The following SLC5A7 variants were observed in gnomAD, a reference collection of about 807,000 sequenced individuals.
SLC5A7 encodes high affinity choline transporter 1.
A neutral mutation model predicts 55.4 loss-of-function variants in SLC5A7; 19 were observed. The ratio of observed to expected loss-of-function variants is 0.34; its 90% CI spans 0.24 to 0.50. The LOEUF (loss-of-function observed/expected upper bound fraction) is 0.50. Among genes scored for constraint, SLC5A7 ranks in the 20% least tolerant of loss-of-function variants. The probability of loss-of-function intolerance (pLI) is 0.98; values close to 1 mark genes in which losing one functional copy is unlikely to be tolerated. For missense variants in SLC5A7, 506 were observed against 705.3 expected (o/e 0.72, Z 3.20); for synonymous variants, 265 against 263.7 (o/e 1.00, Z -0.05).
intron 6 of SLC5A7, among the ~76,000 whole-genome samples, chr2:108,004,491 C>G (rs1678030826): frequency 6.6e-6 from 1 of 152,122 alleles, no homozygotes; most frequent in South Asian, 2.1e-4. Flanking sequence ...TCCCCAGAAC[C>G]CAGAGCCCAG....
At chr2:107,990,907 C>T (rs932389225) in intron 2 of SLC5A7, among the ~76,000 whole-genome samples, 11 of 152,276 alleles carry the variant, frequency 7.2e-5, no homozygotes, top group African/African-American at 2.6e-4. Flanking sequence ...TGGGATGATG[C>T]AATCCAGAAT....
chr2:107,995,464 A>AGTGTGTGTGTGTGT (rs1351455221), intron 4 of SLC5A7, among the ~76,000 whole-genome samples: 1 of 129,032 alleles, frequency 7.8e-6, no homozygotes, highest in Non-Finnish European at 1.7e-5. Context: ...AGAGAGAGAG[A>AGTGTGTGTGTGTGT]GAGAGAGTGT....
intron 7 of SLC5A7, 75 bp downstream of exon 7, chr2:108,006,277 C>T (rs918567832): frequency 2.2e-5 from 34 of 1,517,890 alleles, no homozygotes; most frequent in Non-Finnish European, 3.1e-5. Flanking sequence ...CTGTCCCACT[C>T]CCCTCTTTCC....
At chr2:108,009,105 G>A (rs1482671505) in intron 8 of SLC5A7, among the ~76,000 whole-genome samples, 2 of 151,960 alleles carry the variant, frequency 1.3e-5, no homozygotes, top group African/African-American at 2.4e-5. Context: ...TTTTATACTT[G>A]CACTCCAAAG....
intron 6 of SLC5A7, among the ~76,000 whole-genome samples, chr2:108,003,554 A>G (rs1489684393): frequency 6.6e-6 from 1 of 152,222 alleles, no homozygotes; most frequent in Non-Finnish European, 1.5e-5. Flanking sequence ...TTGATCTTCC[A>G]GTGGTCTCTC....
chr2:107,987,216 A>G lies in SLC5A7; in HGVS notation c.-52+453A>G, dbSNP rs138743795. 8.8e-3 allele frequency among the ~76,000 whole-genome samples: 1,333 copies of G among 152,240 alleles called. 28 individuals are homozygous for G. The highest frequency in any genetic ancestry group is 0.031 in the African/African-American group (1,270 of 41,542). ...TGGAACAGCTGTGGTCACAAAGGTA[A>G]AAAATAAATAAAAATAAAAATAAAA... On this transcript the variant is annotated intron_variant, in intron 1 of 8. Transcript: ENST00000264047.
intron 6 of SLC5A7, among the ~76,000 whole-genome samples, chr2:108,002,802 G>C (rs375793088): frequency 2.0e-5 from 3 of 150,736 alleles, no homozygotes; most frequent in African/African-American, 7.5e-5. Context: ...GCCTCACTTT[G>C]AGGCCAGGAG....
intron 3 of SLC5A7, among the ~76,000 whole-genome samples, chr2:107,992,604 C>T (rs771657377): frequency 2.0e-5 from 3 of 152,146 alleles, no homozygotes; most frequent in Middle Eastern, 3.4e-3. Flanking sequence ...CAGAAGGTAC[C>T]TCATTTTTGG....
At chr2:107,992,264 C>A in intron 3 of SLC5A7, 45 bp downstream of exon 3, 2 of 1,157,100 alleles carry the variant, frequency 1.7e-6, no homozygotes, top group Non-Finnish European at 2.6e-6. Flanking sequence ...GTAAAGTATA[C>A]AGAACAAGAG....
chr2:107,992,903 G>T, intron 3 of SLC5A7, 69 bp from the exon 4 acceptor site: 1 of 1,540,042 alleles, frequency 6.5e-7, no homozygotes, highest in South Asian at 1.2e-5. Flanking sequence ...CTTGATAAAT[G>T]GCAGCATAGT....
chr2:108,008,202 A>C (rs1678192108), intron 7 of SLC5A7, among the ~76,000 whole-genome samples: 1 of 152,180 alleles, frequency 6.6e-6, no homozygotes, highest in Non-Finnish European at 1.5e-5. Context: ...AGGCAATGTA[A>C]CACCATCATT....
At position 108,010,808 on chromosome 2, in the gene SLC5A7, C is replaced by T; in HGVS notation, c.1690C>T (p.Leu564Phe). The change falls in exon 9 of 9, where the codon CTT (leucine) becomes TTT (phenylalanine). Residue 564 changes from leucine to phenylalanine, a missense_variant. By Grantham distance (22) the Leu-to-Phe change is conservative. Coordinates refer to ENST00000264047, the MANE Select transcript of SLC5A7 (RefSeq NM_021815.5). ...SSTFTNKEAF[L>F]DVDSSPEGSG... ...AACTTTCACCAATAAAGAGGCCTTCCTTGATGTTGATTCCAGTCCAGAAGG... is the reference window on the plus strand; with the variant it reads ...AACTTTCACCAATAAAGAGGCCTTCTTTGATGTTGATTCCAGTCCAGAAGG... 3 of 1,611,574 alleles carry T rather than the reference C, an allele frequency of 1.9e-6. No individual in the cohort carries two copies. Among genetic ancestry groups the T allele is most frequent in the Non-Finnish European group, 2.5e-6 (3 of 1,179,350 alleles).
chr2:108,009,468 C>G (rs749426905), intron 8 of SLC5A7, among the ~76,000 whole-genome samples: 3 of 152,040 alleles, frequency 2.0e-5, no homozygotes, highest in East Asian at 1.9e-4. Flanking sequence ...CACCACCCCC[C>G]ACGCCCCCCA....
In SLC5A7 at chr2:108,006,142, T is replaced by G. The variant is rs1157982156; in HGVS notation, c.835T>G (p.Phe279Val). The change falls in exon 7 of 9, where the codon TTC becomes GTC. Residue 279 changes from phenylalanine (F) to valine (V), a missense_variant. By Grantham distance (50) the Phe-to-Val change is conservative. Around this residue, in one of 4 missense-constraint regions of SLC5A7, gnomAD observed 309 missense variants for 478.6 expected, o/e 0.65. Coordinates refer to ENST00000264047, the MANE Select transcript of SLC5A7 (RefSeq NM_021815.5). ...TCAAGTGCTGTCCTTCCTGGCAGCTTTCGGGTGCCTGGTGATGGCCATCCC... is the reference window on the plus strand; with the variant it reads ...TCAAGTGCTGTCCTTCCTGGCAGCTGTCGGGTGCCTGGTGATGGCCATCCC... ...YAQVLSFLAA[F>V]GCLVMAIPAI... 4 of 1,614,110 alleles carry G rather than the reference T, an allele frequency of 2.5e-6. No homozygotes were observed. The East Asian group carries it at 8.9e-5, about 36-fold the overall frequency.
chr2:108,010,364 G>GTTATCTTCCCCCAGCTGC lies in SLC5A7; in HGVS notation c.1249_1266dup (p.Ile417_Leu422dup). 6.2e-7 allele frequency: 1 copy of GTTATCTTCCCCCAGCTGC among 1,613,860 alleles called. No homozygotes were observed. Among genetic ancestry groups the GTTATCTTCCCCCAGCTGC allele is most frequent in the Non-Finnish European group, 8.5e-7 (1 of 1,179,910 alleles). Reference sequence around the variant, plus strand: ...CCTCAGTTCTGACCTTGTTTACATCGTTATCTTCCCCCAGCTGCTTTGTGT... The same window carrying GTTATCTTCCCCCAGCTGC: ...CCTCAGTTCTGACCTTGTTTACATCGTTATCTTCCCCCAGCTGCTTATCTTCCCCCAGCTGCTTTGTGT... On this transcript the variant is annotated inframe_insertion, in exon 9 of 9. Transcript: ENST00000264047.
intron 5 of SLC5A7, among the ~76,000 whole-genome samples, chr2:107,999,711 A>G (rs1478287476): frequency 6.6e-6 from 1 of 152,154 alleles, no homozygotes; most frequent in African/African-American, 2.4e-5. Context: ...CATTGATTTT[A>G]TCATCACCCC....
chr2:107,988,653 A>T (rs1677335322), intron 2 of SLC5A7, among the ~76,000 whole-genome samples: 1 of 152,156 alleles, frequency 6.6e-6, no homozygotes, highest in African/African-American at 2.4e-5. Context: ...GGGAATGGGA[A>T]GCTGTCCTAG....
At chr2:107,987,800 C>T (rs1218364448) in intron 1 of SLC5A7, among the ~76,000 whole-genome samples, 1 of 152,048 alleles carries the variant, frequency 6.6e-6, no homozygotes, top group Admixed American at 6.6e-5. Context: ...AAGATATACA[C>T]GACAAGGTTA....
Position 108,010,214 on chromosome 2 carries a change from T to A in SLC5A7, c.1114-18T>A. On this transcript the variant is annotated intron_variant, in intron 8 of 8. Transcript: ENST00000264047. ...AAGACACTGTGCAAAAAGCTGACAC[T>A]GTGGCAATTTCTTACAGGCTTCGGA... 6.2e-7 allele frequency: 1 copy of A among 1,605,604 alleles called. No homozygotes were observed.
Sources: allele counts gnomAD v4.1 joint callset (sites outside exome capture counted in the v4.1 genomes callset), GRCh38; gene constraint gnomAD v4.1.1; regional missense constraint gnomAD v4.1.1; transcripts MANE v1.5; gene names NCBI Gene and HGNC (gene_info 2026-07-23, HGNC 2026-07-21).